RASGRF2: variants seen among roughly 807,000 people sequenced by gnomAD.
RASGRF2 encodes Ras protein specific guanine nucleotide releasing factor 2, also known as ras-specific guanine nucleotide-releasing factor 2.
RASGRF2 carries 76 observed loss-of-function variants against 151.0 expected under a neutral mutation model. The ratio of observed to expected loss-of-function variants is 0.50; its 90% CI spans 0.42 to 0.61. RASGRF2 has a LOEUF of 0.61. Among genes scored for constraint, RASGRF2 ranks in the 20% least tolerant of loss-of-function variants. RASGRF2 has a pLI of 0.00. For synonymous variants in RASGRF2, 504 were observed against 566.5 expected (o/e 0.89, Z 1.57); for missense variants, 1,148 against 1,564.6 (o/e 0.73, Z 4.49).
chr5:81,193,475 C>G (rs1235015442), intron 18 of RASGRF2, among the ~76,000 whole-genome samples: 1 of 152,178 alleles, frequency 6.6e-6, no homozygotes, highest in East Asian at 1.9e-4. Context: ...CTTCCCCAAG[C>G]CAGCAGCCAC....
At chr5:81,050,520 C>T (rs1213485343) in intron 2 of RASGRF2, among the ~76,000 whole-genome samples, 2 of 152,060 alleles carry the variant, frequency 1.3e-5, no homozygotes, top group Non-Finnish European at 2.9e-5. Flanking sequence ...AAGCGAGGCC[C>T]CTCTGAGCTG....
chr5:80,981,996 G>A (rs113707400), intron 1 of RASGRF2, among the ~76,000 whole-genome samples: 2,140 of 152,316 alleles, frequency 0.014, 45 homozygotes, highest in African/African-American at 0.048. Context: ...TTTTAACAAT[G>A]AATTAATTCA....
chr5:81,225,836 G>A lies in RASGRF2; in HGVS notation c.*66G>A. The A allele has an allele frequency of 6.5e-7, 1 of 1,548,774 alleles. No individual in the cohort carries two copies. Among genetic ancestry groups the A allele is most frequent in the Non-Finnish European group, 8.8e-7 (1 of 1,141,614 alleles). ...AAGCAGGACAGACAGAATTGTGTAT[G>A]CCTTGCCTATCACGGTACAGCACGA... On this transcript the variant is annotated 3_prime_UTR_variant, in exon 27 of 27. Coordinates refer to ENST00000265080, the MANE Select transcript of RASGRF2 (RefSeq NM_006909.3).
At chr5:81,166,518 T>C (rs952610970) in intron 17 of RASGRF2, among the ~76,000 whole-genome samples, 8 of 152,156 alleles carry the variant, frequency 5.3e-5, no homozygotes, top group African/African-American at 1.9e-4. Flanking sequence ...CAAAAGCCCT[T>C]GTCTGCTTAC....
intron 1 of RASGRF2, 81 bp downstream of exon 1, chr5:80,961,107 G>C (rs950059436): frequency 1.7e-5 from 23 of 1,373,762 alleles, no homozygotes; most frequent in Middle Eastern, 2.7e-4. Context: ...ATCAGGGGTC[G>C]GGGGTCGTGA....
At chr5:81,015,030 C>T (rs1749584605) in intron 1 of RASGRF2, among the ~76,000 whole-genome samples, 1 of 152,080 alleles carries the variant, frequency 6.6e-6, no homozygotes, top group South Asian at 2.1e-4. Flanking sequence ...AGCAGTCCTC[C>T]AACATCAGCC....
rs902424848 is a variant in RASGRF2 at position 81,126,929 on chromosome 5, A to G, written c.2597-145A>G. 8 of 781,410 alleles carry G rather than the reference A, an allele frequency of 1.0e-5. No homozygotes were observed. In the African/African-American group the frequency reaches 1.0e-4, roughly 10 times the overall value. The allele number at this position is 781,410 out of a possible 1,614,324, so 48.4% of individuals were successfully genotyped here. A position where few individuals can be genotyped will look rare whatever the true frequency, so the allele number is the denominator to read the frequency against. ...CCCAGAGTGGAATTCCTGATGTGCA[A>G]TCTTGTTGTTTGCCCATTAACAGAG... On this transcript the variant is annotated intron_variant, in intron 16 of 26. Coordinates refer to ENST00000265080, the MANE Select transcript of RASGRF2 (RefSeq NM_006909.3).
chr5:81,011,209 T>C (rs542061444), intron 1 of RASGRF2, among the ~76,000 whole-genome samples: 37 of 150,812 alleles, frequency 2.5e-4, no homozygotes, highest in African/African-American at 8.3e-4. Flanking sequence ...ACTGATTCTG[T>C]ATTTTTTCTC....
intron 1 of RASGRF2, among the ~76,000 whole-genome samples, chr5:80,986,903 C>G (rs1003525098): frequency 6.6e-6 from 1 of 152,180 alleles, no homozygotes; most frequent in Non-Finnish European, 1.5e-5. Flanking sequence ...ATAATCCACC[C>G]TCTTTCCAGA....
chr5:80,962,707 A>G (rs1290991539), intron 1 of RASGRF2, among the ~76,000 whole-genome samples: 1 of 151,654 alleles, frequency 6.6e-6, no homozygotes, highest in Non-Finnish European at 1.5e-5. Context: ...ACATTTTTCT[A>G]CTTGGAAAAT....
intron 12 of RASGRF2, chr5:81,096,137 T>A (rs538242007): frequency 1.6e-4 from 25 of 152,176 alleles, no homozygotes; most frequent in African/African-American, 4.8e-5. Context: ...TTTACTTATA[T>A]ACCCTCAGGA....
chr5:81,201,786 T>C lies in RASGRF2; in HGVS notation c.2906+344T>C, dbSNP rs56357802. 8.2e-4 allele frequency among the ~76,000 whole-genome samples: 125 copies of C among 152,202 alleles called. 1 individual carries two copies. The highest frequency in any genetic ancestry group is 2.9e-3 in the African/African-American group (119 of 41,530). On this transcript the variant is annotated intron_variant, in intron 19 of 26. Coordinates refer to ENST00000265080, the MANE Select transcript of RASGRF2 (RefSeq NM_006909.3). ...GAGAGATGATGTTTCCTCCTGTGGG[T>C]TGTAATTGTTTATTGTAAGCTCATG...
At chr5:81,084,299 A>G (rs1752165922) in intron 7 of RASGRF2, among the ~76,000 whole-genome samples, 1 of 152,184 alleles carries the variant, frequency 6.6e-6, no homozygotes, top group African/African-American at 2.4e-5. Context: ...TTCTTGTGGA[A>G]TTACTAATTA....
In RASGRF2 at chr5:80,960,947, G is replaced by C. The variant is rs776367348; in HGVS notation, c.209G>C (p.Gly70Ala). 6 of 1,572,678 alleles carry C rather than the reference G, an allele frequency of 3.8e-6. No homozygotes were observed. The highest frequency in any genetic ancestry group is 3.4e-5 in the South Asian group (3 of 88,656). Reference protein sequence around the residue: ...CRPAGMYLLEGCSCERTPAPP... With the variant: ...CRPAGMYLLEACSCERTPAPP... ...CCGGCGGGCATGTACCTCCTGGAGG[G>C]CTGCAGCTGCGAACGAACGCCCGCG... Residue 70 changes from glycine (G) to alanine (A), a missense_variant, in exon 1 of 27, where the codon GGC (glycine) becomes GCC (alanine). By Grantham distance (60) the Gly-to-Ala change is moderately conservative. Around this residue, in one of 5 missense-constraint regions of RASGRF2, gnomAD observed 221 missense variants for 271.3 expected, o/e 0.81. Coordinates refer to ENST00000265080, the MANE Select transcript of RASGRF2 (RefSeq NM_006909.3). The surrounding 1 kb of genome is among the most constrained non-coding windows in gnomAD (Gnocchi z 5.5).
At chr5:81,076,191 G>C (rs919776891) in intron 5 of RASGRF2, among the ~76,000 whole-genome samples, 3 of 152,156 alleles carry the variant, frequency 2.0e-5, no homozygotes, top group African/African-American at 7.2e-5. Context: ...GAGGGAAGAG[G>C]ATTTCAAAAG....
At chr5:81,169,659 G>A (rs1248436769) in intron 17 of RASGRF2, among the ~76,000 whole-genome samples, 1 of 152,164 alleles carries the variant, frequency 6.6e-6, no homozygotes, top group Non-Finnish European at 1.5e-5. Flanking sequence ...AACCTTCACA[G>A]GTTCTGCATG....
At chr5:81,198,962 T>C (rs1755330451) in intron 18 of RASGRF2, among the ~76,000 whole-genome samples, 1 of 152,224 alleles carries the variant, frequency 6.6e-6, no homozygotes, top group Non-Finnish European at 1.5e-5. Flanking sequence ...GTTCTATTTT[T>C]AGTTCTTTGA....
At chr5:81,031,183 T>C (rs1345004656) in intron 1 of RASGRF2, among the ~76,000 whole-genome samples, 1 of 152,058 alleles carries the variant, frequency 6.6e-6, no homozygotes, top group African/African-American at 2.4e-5. Flanking sequence ...AGACTTAGAC[T>C]CCCACACAAT....
At chr5:81,219,671 T>C in intron 25 of RASGRF2, 39 bp from the exon 26 acceptor site, 1 of 1,525,162 alleles carries the variant, frequency 6.6e-7, no homozygotes, top group Non-Finnish European at 9.1e-7. Flanking sequence ...TTTCTTTGCT[T>C]TTGTTGTTGT....
Sources: gnomAD v4.1 joint callset for allele counts (sites outside exome capture counted in the v4.1 genomes callset) on GRCh38, gnomAD v4.1.1 for gene constraint, gnomAD v4.1.1 regional missense constraint, Gnocchi (gnomAD v3.1) non-coding constraint, MANE v1.5 for transcripts, NCBI Gene and HGNC (gene_info 2026-07-23, HGNC 2026-07-21) for gene names.